The following DOCK9 variants were observed in gnomAD, a reference collection of about 807,000 sequenced individuals.
The protein encoded by DOCK9 is dedicator of cytokinesis 9.
In DOCK9, 89 loss-of-function variants were observed where a neutral mutation model predicts 263.3. That is an observed-to-expected ratio of 0.34 (90% CI 0.28 to 0.40). The LOEUF is 0.40. DOCK9 is among the 10% of genes least tolerant of loss of function. The pLI, the probability that DOCK9 is intolerant of heterozygous loss-of-function variation, is 1.00. For missense variants in DOCK9, 2,140 were observed against 2,603.4 expected (o/e 0.82, Z 3.87); for synonymous variants, 976 against 973.1 (o/e 1.00, Z -0.06).
intron 2 of DOCK9, among the ~76,000 whole-genome samples, chr13:98,930,698 G>A (rs1303599247): frequency 3.3e-5 from 5 of 152,088 alleles, no homozygotes; most frequent in Admixed American, 1.3e-4. Context: ...AGGCTGGAGT[G>A]CAATGGCGGG....
chr13:98,954,820 C>T (rs1374065320), intron 2 of DOCK9, among the ~76,000 whole-genome samples: 1 of 150,764 alleles, frequency 6.6e-6, no homozygotes, highest in Non-Finnish European at 1.5e-5. Flanking sequence ...GCACTTGTGC[C>T]CACTAAATCA....
intron 1 of DOCK9, among the ~76,000 whole-genome samples, chr13:98,961,741 G>A (rs1355136650): frequency 1.3e-5 from 2 of 151,894 alleles, no homozygotes; most frequent in South Asian, 2.1e-4. Flanking sequence ...CCAGGGACAC[G>A]TCCTGTGGGG....
rs560075336 is a variant in DOCK9 at position 98,853,681 on chromosome 13, G to A, written c.3832-159C>T. ...ACAATTAAACCACAGGCACCCTTTC[G>A]CCCAAATATAACACACTCAGATGCT... On this transcript the variant is annotated intron_variant, in intron 34 of 52. Transcript: ENST00000682017. Among the ~76,000 whole-genome samples the A allele has an allele frequency of 2.9e-4, 44 of 152,084 alleles. 1 individual carries two copies. Among genetic ancestry groups the A allele is most frequent in the African/African-American group, 1.0e-3 (42 of 41,504 alleles).
At chr13:98,905,592 A>T (rs1268629917) in intron 9 of DOCK9, among the ~76,000 whole-genome samples, 2 of 149,706 alleles carry the variant, frequency 1.3e-5, no homozygotes, top group East Asian at 1.9e-4. Flanking sequence ...GGCATGATTA[A>T]AAAAAAAAAG....
chr13:98,988,955 C>A (rs372425401), intron 1 of DOCK9, among the ~76,000 whole-genome samples: 2 of 152,122 alleles, frequency 1.3e-5, no homozygotes, highest in African/African-American at 4.8e-5. Flanking sequence ...ACCACTGGCC[C>A]GGGGCCACCC....
At chr13:98,881,452 G>T in intron 25 of DOCK9, 106 bp downstream of exon 25, 1 of 893,600 alleles carries the variant, frequency 1.1e-6, no homozygotes, top group Non-Finnish European at 1.7e-6. Flanking sequence ...GAAAGCATAC[G>T]TTACAAGCAC....
chr13:98,932,130 C>T (rs1335047929), intron 2 of DOCK9, among the ~76,000 whole-genome samples: 1 of 152,058 alleles, frequency 6.6e-6, no homozygotes, highest in Non-Finnish European at 1.5e-5. Flanking sequence ...CGGTGACTGA[C>T]GCCTGTAATC....
intron 33 of DOCK9, chr13:98,858,577 T>C (rs1334400783): frequency 4.6e-5 from 7 of 152,164 alleles, no homozygotes; most frequent in Non-Finnish European, 7.4e-5. Context: ...AGTTCAAAGA[T>C]GAGGCTTCCC....
At chr13:98,988,956 G>A (rs543956547) in intron 1 of DOCK9, among the ~76,000 whole-genome samples, 9 of 152,216 alleles carry the variant, frequency 5.9e-5, no homozygotes, top group East Asian at 5.8e-4. Flanking sequence ...CCACTGGCCC[G>A]GGGCCACCCT....
chr13:98,887,030 C>A (rs1382493855), intron 18 of DOCK9, among the ~76,000 whole-genome samples: 1 of 150,880 alleles, frequency 6.6e-6, no homozygotes, highest in Non-Finnish European at 1.5e-5. Flanking sequence ...CAGTTTTGTC[C>A]AAAACTTCAT....
intron 20 of DOCK9, 194 bp from the exon 21 acceptor site, chr13:98,885,286 T>C (rs576289264): frequency 5.6e-6 from 4 of 716,020 alleles, no homozygotes; most frequent in Admixed American, 3.2e-5. Context: ...GGGGTTAGAA[T>C]TCTACAATCT....
chr13:98,979,242 G>GGCGGCAGCA (rs55651915), upstream of DOCK9, among the ~76,000 whole-genome samples: 7 of 136,176 alleles, frequency 5.1e-5, no homozygotes, highest in African/African-American at 1.0e-4. Flanking sequence ...CAGCAGCGGC[G>GGCGGCAGCA]GCAGCAGCAG....
intron 39 of DOCK9, among the ~76,000 whole-genome samples, chr13:98,833,580 C>T (rs1459649796): frequency 6.6e-6 from 1 of 152,192 alleles, no homozygotes; most frequent in Non-Finnish European, 1.5e-5. Context: ...CAGTCCTCTT[C>T]AGCCCTGATC....
At chr13:98,815,049 C>A (rs2091719425) in intron 45 of DOCK9, among the ~76,000 whole-genome samples, 1 of 152,104 alleles carries the variant, frequency 6.6e-6, no homozygotes, top group Non-Finnish European at 1.5e-5. Flanking sequence ...GGGTCTCATA[C>A]ACACTGGGTA....
Position 98,920,906 on chromosome 13 carries a change from A to G in DOCK9, c.717+48T>C, listed in dbSNP as rs2051866714. The G allele has an allele frequency of 5.9e-6, 9 of 1,527,564 alleles. No individual in the cohort carries two copies. In the East Asian group the frequency reaches 2.1e-4, roughly 35 times the overall value. 94.6% of individuals were successfully genotyped at this position (1,527,564 alleles called of 1,614,324 possible). The stretch of plus-strand genomic sequence containing the variant: ...TAAATCTGCTAATTTACACATAAGC[A>G]CTACTGCAGATAAGAAAACATAATG... On this transcript the variant is annotated intron_variant, in intron 7 of 52. Coordinates refer to ENST00000682017, the MANE Select transcript of DOCK9 (RefSeq NM_001366683.2).
chr13:98,962,630 T>A, intron 1 of DOCK9, among the ~76,000 whole-genome samples: 1 of 146,012 alleles, frequency 6.8e-6, no homozygotes. Context: ...GCTTGCATGA[T>A]AGGTTTTAAA....
chr13:98,962,809 G>A (rs2058790755), intron 1 of DOCK9, among the ~76,000 whole-genome samples: 1 of 152,152 alleles, frequency 6.6e-6, no homozygotes, highest in Admixed American at 6.5e-5. Flanking sequence ...ACAGACAGCT[G>A]CTTATACCGT....
chr13:98,903,348 C>T (rs375535165), intron 10 of DOCK9, among the ~76,000 whole-genome samples: 1 of 152,186 alleles, frequency 6.6e-6, no homozygotes, highest in East Asian at 1.9e-4. Context: ...AATTCCAGCA[C>T]TTTGGGAGGC....
At chr13:99,058,913 C>G (rs2041054900) in intron 1 of DOCK9, among the ~76,000 whole-genome samples, 1 of 152,180 alleles carries the variant, frequency 6.6e-6, no homozygotes, top group Non-Finnish European at 1.5e-5. Context: ...CCCACTTCAC[C>G]TCTCAGAAGG....
Sources: gnomAD v4.1 joint callset for allele counts (sites outside exome capture counted in the v4.1 genomes callset) on GRCh38, gnomAD v4.1.1 for gene constraint, MANE v1.5 for transcripts, NCBI Gene and HGNC (gene_info 2026-07-23, HGNC 2026-07-21) for gene names.